Variants in ACVR1 observed in about 807,000 individuals in gnomAD.
The protein encoded by ACVR1 is activin A receptor type 1.
Under a neutral mutation model 57.1 loss-of-function variants are expected in ACVR1, and 38 were observed. The ratio of observed to expected loss-of-function variants is 0.67; its 90% CI spans 0.51 to 0.87. ACVR1 has a LOEUF of 0.87. Among genes scored for constraint, ACVR1 ranks in the 40% least tolerant of loss-of-function variants. The probability of loss-of-function intolerance (pLI) is 0.00; values close to 1 mark genes in which losing one functional copy is unlikely to be tolerated. For missense variants in ACVR1, 463 were observed against 638.2 expected (o/e 0.73, Z 2.96); for synonymous variants, 212 against 228.1 (o/e 0.93, Z 0.63).
At chr2:157,868,930 C>T (rs894017597) in intron 1 of ACVR1, among the ~76,000 whole-genome samples, 8 of 152,194 alleles carry the variant, frequency 5.3e-5, no homozygotes, top group African/African-American at 1.9e-4. Flanking sequence ...ACAATGACAA[C>T]AATTAAGCTC....
chr2:157,870,592 T>C (rs552407427), intron 1 of ACVR1, among the ~76,000 whole-genome samples: 1 of 152,272 alleles, frequency 6.6e-6, no homozygotes, highest in Non-Finnish European at 1.5e-5. Context: ...TGGAAACATA[T>C]GCAACAGGAA....
chr2:157,771,728 G>T (rs1686076098), intron 6 of ACVR1, among the ~76,000 whole-genome samples: 1 of 152,114 alleles, frequency 6.6e-6, no homozygotes, highest in East Asian at 1.9e-4. Context: ...ACTAAATCTA[G>T]ATTACCTGAC....
intron 1 of ACVR1, among the ~76,000 whole-genome samples, chr2:157,858,271 G>A (rs972299461): frequency 1.3e-5 from 2 of 151,996 alleles, no homozygotes; most frequent in African/African-American, 4.8e-5. Context: ...CTCTCAGGCT[G>A]TTCCCAGACT....
intron 1 of ACVR1, among the ~76,000 whole-genome samples, chr2:157,834,305 A>C (rs1688699258): frequency 6.6e-6 from 1 of 151,892 alleles, no homozygotes; most frequent in Non-Finnish European, 1.5e-5. Context: ...GTTAGCCAGG[A>C]TGGTCTCGAT....
At position 157,855,302 on chromosome 2, in the gene ACVR1, GTGTGTGTA is replaced by G. The variant is rs1264904643; in HGVS notation, c.-183+20486_-183+20493del. ...TGTGTGTGTGTGTGTGTGTGTGTGTGTGTGTGTATATATATATATATACACACACACAC... is the reference window on the plus strand; with the variant it reads ...TGTGTGTGTGTGTGTGTGTGTGTGTGTATATATATATATACACACACACAC... On this transcript the variant is annotated intron_variant, in intron 1 of 10. Coordinates refer to ENST00000434821, the MANE Select transcript of ACVR1 (RefSeq NM_001111067.4). 3.8e-4 allele frequency among the ~76,000 whole-genome samples: 25 copies of G among 65,366 alleles called. 1 individual carries two copies. Among genetic ancestry groups the G allele is most frequent in the South Asian group, 7.7e-4 (1 of 1,304 alleles). 42.9% of individuals were successfully genotyped at this position (65,366 alleles called of 152,430 possible).
intron 7 of ACVR1, among the ~76,000 whole-genome samples, chr2:157,769,542 A>G (rs1357157238): frequency 6.6e-6 from 1 of 152,242 alleles, no homozygotes; most frequent in African/African-American, 2.4e-5. Flanking sequence ...CATTATTTGC[A>G]GACAACTTGA....
At chr2:157,777,119 A>G (rs1686319172) in intron 5 of ACVR1, among the ~76,000 whole-genome samples, 1 of 152,170 alleles carries the variant, frequency 6.6e-6, no homozygotes, top group African/African-American at 2.4e-5. Context: ...AGCAAGTGAT[A>G]CCCTTTCCCC....
chr2:157,847,911 C>T (rs1426035018), intron 1 of ACVR1, among the ~76,000 whole-genome samples: 1 of 151,890 alleles, frequency 6.6e-6, no homozygotes, highest in African/African-American at 2.4e-5. Flanking sequence ...AGGATGTGGC[C>T]ATTTAAAAAT....
chr2:157,849,715 G>A (rs187980723), intron 1 of ACVR1, among the ~76,000 whole-genome samples: 1 of 152,286 alleles, frequency 6.6e-6, no homozygotes, highest in East Asian at 1.9e-4. Context: ...ATGACTCATT[G>A]TTAGCAGGAG....
At chr2:157,778,064 T>C in intron 5 of ACVR1, 67 bp downstream of exon 5, 1 of 1,548,970 alleles carries the variant, frequency 6.5e-7, no homozygotes, top group African/African-American at 1.4e-5. Context: ...CGTTTCATGC[T>C]CGAAATAAGA....
At chr2:157,741,823 T>C (rs186964363) in intron 9 of ACVR1, among the ~76,000 whole-genome samples, 8 of 151,998 alleles carry the variant, frequency 5.3e-5, no homozygotes, top group African/African-American at 1.9e-4. Flanking sequence ...CAAGTCCCCA[T>C]ATATAAACTG....
At chr2:157,739,772 G>T (rs886289581) in intron 9 of ACVR1, among the ~76,000 whole-genome samples, 1 of 152,168 alleles carries the variant, frequency 6.6e-6, no homozygotes, top group African/African-American at 2.4e-5. Context: ...AACCATTTAT[G>T]CAAAAGATTA....
chr2:157,757,215 A>C (rs1274063224), intron 9 of ACVR1, among the ~76,000 whole-genome samples: 1 of 151,494 alleles, frequency 6.6e-6, no homozygotes, highest in Non-Finnish European at 1.5e-5. Flanking sequence ...TCAACCAAAA[A>C]GGAATGAACA....
chr2:157,867,634 T>C (rs992517161), intron 1 of ACVR1, among the ~76,000 whole-genome samples: 2 of 152,038 alleles, frequency 1.3e-5, no homozygotes, highest in Non-Finnish European at 2.9e-5. Flanking sequence ...CATTTCGATT[T>C]TTTTTTTATG....
At chr2:157,759,534 T>C (rs1288305584) in intron 9 of ACVR1, among the ~76,000 whole-genome samples, 3 of 152,084 alleles carry the variant, frequency 2.0e-5, no homozygotes, top group African/African-American at 7.2e-5. Context: ...TAAATAGAAC[T>C]TCTTCTTGAA....
At chr2:157,806,125 G>A (rs1431910337) in intron 2 of ACVR1, among the ~76,000 whole-genome samples, 4 of 151,910 alleles carry the variant, frequency 2.6e-5, no homozygotes, top group African/African-American at 4.8e-5. Context: ...ACCATGCTCC[G>A]CCATCCTTAA....
At chr2:157,770,123 G>A (rs918630542) in intron 7 of ACVR1, among the ~76,000 whole-genome samples, 1 of 152,216 alleles carries the variant, frequency 6.6e-6, no homozygotes, top group African/African-American at 2.4e-5. Context: ...ACGATCTGCA[G>A]ATGTAGGAAT....
intron 1 of ACVR1, among the ~76,000 whole-genome samples, chr2:157,851,360 C>G (rs1689295550): frequency 6.6e-6 from 1 of 151,958 alleles, no homozygotes; most frequent in Non-Finnish European, 1.5e-5. Context: ...CTGCATAATA[C>G]AAGCATGGAA....
At chr2:157,775,487 A>G (rs1168267516) in intron 5 of ACVR1, among the ~76,000 whole-genome samples, 1 of 152,220 alleles carries the variant, frequency 6.6e-6, no homozygotes, top group Non-Finnish European at 1.5e-5. Flanking sequence ...CTACTAAAGC[A>G]ATACATTGAT....
Sources: allele counts gnomAD v4.1 joint callset (sites outside exome capture counted in the v4.1 genomes callset), GRCh38; gene constraint gnomAD v4.1.1; transcripts MANE v1.5; gene names NCBI Gene and HGNC (gene_info 2026-07-23, HGNC 2026-07-21).